The following C5 variants were observed in gnomAD, a reference collection of about 807,000 sequenced individuals.
C5 encodes the protein C3 and PZP-like alpha-2-macroglobulin domain-containing protein 4.
Under a neutral mutation model 218.8 loss-of-function variants are expected in C5, and 140 were observed. The ratio of observed to expected loss-of-function variants is 0.64; its 90% CI spans 0.56 to 0.74. C5 has a LOEUF of 0.74. Ranked by LOEUF, C5 falls within the 30% of genes least tolerant of loss-of-function variation. The probability of loss-of-function intolerance (pLI) is 0.00; values close to 1 mark genes in which losing one functional copy is unlikely to be tolerated. For missense variants in C5, 1,700 were observed against 1,969.6 expected (o/e 0.86, Z 2.59); for synonymous variants, 614 against 682.3 (o/e 0.90, Z 1.56).
Position 120,976,539 on chromosome 9 carries a change from A to C in C5, c.3864+161T>G, listed in dbSNP as rs989221381. Among the ~76,000 whole-genome samples the C allele has an allele frequency of 2.6e-5, 4 of 152,192 alleles. No homozygotes were observed. In the East Asian group the frequency reaches 7.7e-4, roughly 29 times the overall value. On this transcript the variant is annotated intron_variant, in intron 29 of 40. Transcript: ENST00000223642. ...CTAATTTCCTCTTCTGTATAATAAG[A>C]GTGTTGACGCAGATAACCTGTAGGG...
intron 9 of C5, among the ~76,000 whole-genome samples, chr9:121,024,612 G>A (rs2047403467): frequency 6.6e-6 from 1 of 151,898 alleles, no homozygotes; most frequent in South Asian, 2.1e-4. Flanking sequence ...CTCTCTGGAG[G>A]GTTTCTATTT....
At chr9:121,028,025 T>A (rs1417067067) in intron 7 of C5, among the ~76,000 whole-genome samples, 7 of 152,128 alleles carry the variant, frequency 4.6e-5, no homozygotes, top group Non-Finnish European at 8.8e-5. Context: ...CATCAAAAAG[T>A]GGGCAAAGGA....
At chr9:121,045,282 C>T (rs2047617790) in intron 2 of C5, among the ~76,000 whole-genome samples, 3 of 151,942 alleles carry the variant, frequency 2.0e-5, no homozygotes, top group Non-Finnish European at 4.4e-5. Context: ...TTTTAAAGGA[C>T]AAAAGTCATG....
intron 8 of C5, among the ~76,000 whole-genome samples, chr9:121,026,286 G>A (rs892148922): frequency 1.3e-5 from 2 of 152,126 alleles, no homozygotes; most frequent in African/African-American, 4.8e-5. Flanking sequence ...TGTAAAGAAT[G>A]CTGAATAAGG....
At chr9:121,066,870 A>AC in the C5 span, among the ~76,000 whole-genome samples, 1 of 151,142 alleles carries the variant, frequency 6.6e-6, no homozygotes, top group East Asian at 1.9e-4. Flanking sequence ...AAGAAAAAAA[A>AC]AAAAAACAAA....
At chr9:121,070,331 T>C in the C5 span, among the ~76,000 whole-genome samples, 56 of 141,162 alleles carry the variant, frequency 4.0e-4, no homozygotes, top group African/African-American at 1.4e-3. Flanking sequence ...CACTGCAGCC[T>C]GGGCAACAAG....
chr9:121,023,659 A>G, intron 9 of C5, 140 bp from the exon 10 acceptor site: 1 of 685,398 alleles, frequency 1.5e-6, no homozygotes, highest in Non-Finnish European at 2.7e-6. Context: ...ACCAGTAGTA[A>G]GTAGGACATA....
At chr9:121,025,712 T>G in intron 8 of C5, 132 bp from the exon 9 acceptor site, 1 of 812,888 alleles carries the variant, frequency 1.2e-6, no homozygotes, top group Non-Finnish European at 2.0e-6. Flanking sequence ...AAAAGTAAAG[T>G]AGATAACCGA....
At chr9:120,976,192 A>G (rs1179335639) in intron 29 of C5, among the ~76,000 whole-genome samples, 1 of 152,248 alleles carries the variant, frequency 6.6e-6, no homozygotes, top group Non-Finnish European at 1.5e-5. Context: ...TTGAATATAA[A>G]CATGTATTAT....
intron 14 of C5, among the ~76,000 whole-genome samples, chr9:121,016,801 T>TA (rs1357362385): frequency 2.0e-5 from 3 of 152,232 alleles, no homozygotes; most frequent in Non-Finnish European, 4.4e-5. Context: ...GGGAGGTCCC[T>TA]AGGTTCTAAA....
intron 20 of C5, among the ~76,000 whole-genome samples, chr9:120,998,973 C>T (rs2047139141): frequency 6.6e-6 from 1 of 152,156 alleles, no homozygotes; most frequent in Non-Finnish European, 1.5e-5. Context: ...GAGACAACCA[C>T]CAGGGTGGGA....
intron 37 of C5, among the ~76,000 whole-genome samples, chr9:120,960,691 TA>T (rs2046820687): frequency 6.6e-6 from 1 of 152,250 alleles, no homozygotes; most frequent in Non-Finnish European, 1.5e-5. Context: ...GCTCATTAGC[TA>T]TTGTTAGTGT....
chr9:120,987,576 T>C (rs2047042297), intron 25 of C5, among the ~76,000 whole-genome samples: 1 of 144,106 alleles, frequency 6.9e-6, no homozygotes. Context: ...AGGCGGAGGT[T>C]GCAGTGAGCC....
At chr9:121,031,260 AC>A (rs2047472171) in intron 6 of C5, among the ~76,000 whole-genome samples, 2 of 40,174 alleles carry the variant, frequency 5.0e-5, no homozygotes, top group Non-Finnish European at 1.7e-4. Flanking sequence ...TATTTACGTT[AC>A]TTGTTAGTCT....
chr9:121,056,257 G>A, the C5 span, among the ~76,000 whole-genome samples: 1 of 152,214 alleles, frequency 6.6e-6, no homozygotes, highest in Non-Finnish European at 1.5e-5. Flanking sequence ...TGAATGGACT[G>A]AATAAGGCAC....
chr9:121,064,572 TTC>T, the C5 span, among the ~76,000 whole-genome samples: 12 of 152,354 alleles, frequency 7.9e-5, no homozygotes, highest in Admixed American at 3.9e-4. Context: ...AATTTTTATA[TTC>T]TCTCATAAAT....
At chr9:120,987,714 GT>G (rs2047044225) in intron 25 of C5, among the ~76,000 whole-genome samples, 1 of 151,838 alleles carries the variant, frequency 6.6e-6, no homozygotes, top group Non-Finnish European at 1.5e-5. Flanking sequence ...CCTTAAATAT[GT>G]TTCATATAGA....
intron 25 of C5, among the ~76,000 whole-genome samples, chr9:120,987,799 G>GTTT: frequency 6.6e-6 from 1 of 151,612 alleles, no homozygotes; most frequent in Admixed American, 6.6e-5. Context: ...GTTTTGTTTT[G>GTTT]TTTTGTTTTT....
chr9:120,973,788 G>C (rs2046931832), intron 30 of C5, among the ~76,000 whole-genome samples: 1 of 152,052 alleles, frequency 6.6e-6, no homozygotes, highest in South Asian at 2.1e-4. Context: ...AGACCAGCCT[G>C]GCCAAATGGT....
Sources: allele counts gnomAD v4.1 joint callset (sites outside exome capture counted in the v4.1 genomes callset), GRCh38; gene constraint gnomAD v4.1.1; transcripts MANE v1.5; gene names NCBI Gene and HGNC (gene_info 2026-07-23, HGNC 2026-07-21).